Variants in WDR64 observed in about 807,000 individuals in gnomAD.
WDR64 encodes the protein WD repeat-containing protein 64.
WDR64 carries 112 observed loss-of-function variants against 139.3 expected under a neutral mutation model. The observed-to-expected ratio is 0.80, with a 90% CI of 0.69 to 0.94. WDR64 has a LOEUF of 0.94. Ranked by LOEUF, WDR64 falls within the 40% of genes least tolerant of loss-of-function variation. WDR64 has a pLI of 0.00. For missense variants in WDR64, 1,206 were observed against 1,293.1 expected (o/e 0.93, Z 1.03); for synonymous variants, 444 against 437.7 (o/e 1.01, Z -0.18).
rs1041847288 is a variant in WDR64, at chr1:241,674,251, T to C, written c.380-393T>C. On this transcript the variant is annotated intron_variant, in intron 3 of 27. Transcript: ENST00000437684. The stretch of plus-strand genomic sequence containing the variant: ...CAAAAAAGCTGGCTGTTTATCTTTT[T>C]TTTTCTTTTCTTTTTTTTTTTTTTT... 1.9e-4 allele frequency among the ~76,000 whole-genome samples: 20 copies of C among 103,596 alleles called. No individual in the cohort carries two copies. In the Middle Eastern group the frequency reaches 0.014, roughly 75 times the overall value. 68.0% of individuals were successfully genotyped at this position (103,596 alleles called of 152,430 possible).
chr1:241,691,197 TAA>T (rs1464702769), intron 8 of WDR64, among the ~76,000 whole-genome samples: 1 of 152,244 alleles, frequency 6.6e-6, no homozygotes, highest in African/African-American at 2.4e-5. Flanking sequence ...TGAAATCATG[TAA>T]AGTGTTTATT....
intron 10 of WDR64, 32 bp from the exon 11 acceptor site, chr1:241,738,331 A>G (rs769190490): frequency 1.9e-6 from 3 of 1,606,116 alleles, no homozygotes; most frequent in Non-Finnish European, 2.5e-6. Flanking sequence ...GTGAGTATAA[A>G]TAGTGGTAAA....
intron 1 of WDR64, among the ~76,000 whole-genome samples, chr1:241,660,202 T>G (rs1056417127): frequency 3.3e-5 from 5 of 152,202 alleles, no homozygotes; most frequent in Admixed American, 6.5e-5. Context: ...TTGTCAGGTT[T>G]GTAGAAAATC....
chr1:241,671,413 A>G (rs1417657903), intron 3 of WDR64, among the ~76,000 whole-genome samples: 1 of 152,212 alleles, frequency 6.6e-6, no homozygotes, highest in Non-Finnish European at 1.5e-5. Context: ...GTGATGGAAG[A>G]AAATTCACAT....
chr1:241,719,784 T>C (rs576681632), intron 9 of WDR64, among the ~76,000 whole-genome samples: 1 of 135,008 alleles, frequency 7.4e-6, no homozygotes, highest in East Asian at 2.0e-4. Context: ...TTTTAAAAAT[T>C]TATTTATTTT....
intron 8 of WDR64, among the ~76,000 whole-genome samples, chr1:241,691,714 T>C (rs1328183399): frequency 6.6e-6 from 1 of 152,202 alleles, no homozygotes; most frequent in African/African-American, 2.4e-5. Flanking sequence ...ACAAGTGGCA[T>C]TTTAAATTAA....
chr1:241,701,259 C>A (rs1326466955), intron 8 of WDR64, among the ~76,000 whole-genome samples: 1 of 151,162 alleles, frequency 6.6e-6, no homozygotes, highest in Non-Finnish European at 1.5e-5. Context: ...CACACACATA[C>A]ACATGCGTGC....
At chr1:241,770,413 T>C (rs1233436752) in intron 17 of WDR64, 4 of 445,862 alleles carry the variant, frequency 9.0e-6, no homozygotes, top group Admixed American at 8.3e-5. Context: ...AAACCTTATT[T>C]GCTGAGGCTC....
At chr1:241,800,996 G>C in intron 27 of WDR64, 136 bp from the exon 28 acceptor site, 1 of 668,540 alleles carries the variant, frequency 1.5e-6, no homozygotes, top group Non-Finnish European at 2.6e-6. Flanking sequence ...ACATAGGATT[G>C]TTAAGTAAAT....
intron 2 of WDR64, among the ~76,000 whole-genome samples, chr1:241,670,495 GATCT>G (rs771347154): frequency 6.6e-6 from 1 of 152,236 alleles, no homozygotes. Flanking sequence ...GCTCCGAATA[GATCT>G]ATCAGTCTGA....
At chr1:241,743,656 G>A (rs555376233) in intron 12 of WDR64, among the ~76,000 whole-genome samples, 14 of 152,318 alleles carry the variant, frequency 9.2e-5, no homozygotes, top group African/African-American at 2.9e-4. Context: ...CTAACTGGCA[G>A]TGCAATTTAC....
chr1:241,739,980 C>T (rs1485209154), intron 11 of WDR64, among the ~76,000 whole-genome samples: 2 of 151,984 alleles, frequency 1.3e-5, no homozygotes, highest in African/African-American at 4.8e-5. Context: ...CTGTTGTTAT[C>T]ATTATTACTT....
At chr1:241,745,607 A>T (rs1396972607) in intron 13 of WDR64, among the ~76,000 whole-genome samples, 1 of 144,910 alleles carries the variant, frequency 6.9e-6, no homozygotes, top group Non-Finnish European at 1.5e-5. Context: ...ACATACGTTA[A>T]ATTTATTTTA....
intron 15 of WDR64, among the ~76,000 whole-genome samples, chr1:241,765,009 A>T (rs1356728164): frequency 6.6e-6 from 1 of 152,022 alleles, no homozygotes; most frequent in Non-Finnish European, 1.5e-5. Context: ...ACATAGTGAG[A>T]CCTTGTCTCT....
At chr1:241,653,469 T>C (rs1442029026) in intron 1 of WDR64, among the ~76,000 whole-genome samples, 2 of 152,190 alleles carry the variant, frequency 1.3e-5, no homozygotes, top group Non-Finnish European at 2.9e-5. Flanking sequence ...ATTATGTTCA[T>C]TTTATTTGTG....
In WDR64 at chr1:241,801,217, G is replaced by A. The variant is rs1235126648; in HGVS notation, c.*2G>A. 6.2e-7 allele frequency: 1 copy of A among 1,612,556 alleles called. No homozygotes were observed. On this transcript the variant is annotated 3_prime_UTR_variant, in exon 28 of 28. Coordinates refer to ENST00000437684, the MANE Select transcript of WDR64 (RefSeq NM_001367482.1). ...TTCTTCCCAGCTATACCCAAGTAAG[G>A]AGAAAAAATCAGAAATGGCTGCTGC...
chr1:241,771,941 CATACATATATATATATATATAT>C (rs1189572490), intron 19 of WDR64, among the ~76,000 whole-genome samples: 28 of 28,964 alleles, frequency 9.7e-4, no homozygotes, highest in African/African-American at 1.8e-3. Context: ...TACATACATA[CATACATATATATATATATATAT>C]ATATATATAT....
chr1:241,700,711 T>C (rs1190209351), intron 8 of WDR64, among the ~76,000 whole-genome samples: 1 of 152,208 alleles, frequency 6.6e-6, no homozygotes, highest in Non-Finnish European at 1.5e-5. Flanking sequence ...TGAACCTCAA[T>C]AACCTCCTTT....
At position 241,652,318 on chromosome 1, in the gene WDR64, T is replaced by C; in HGVS notation, c.-167T>C. ...GCTTTCCTCCCTGCTAACATCCTAG[T>C]GGCAACTCTTACTCCTACCCGCACT... On this transcript the variant is annotated 5_prime_UTR_variant, in exon 1 of 28. Transcript: ENST00000437684. 1 of 620,402 alleles carries C rather than the reference T, an allele frequency of 1.6e-6. No homozygotes were observed. Among genetic ancestry groups the C allele is most frequent in the African/African-American group, 1.8e-5 (1 of 54,394 alleles). The allele number at this position is 620,402 out of a possible 1,614,324, so 38.4% of individuals were successfully genotyped here.
Sources: gnomAD v4.1 joint callset for allele counts (sites outside exome capture counted in the v4.1 genomes callset) on GRCh38, gnomAD v4.1.1 for gene constraint, MANE v1.5 for transcripts, NCBI Gene and HGNC (gene_info 2026-07-23, HGNC 2026-07-21) for gene names.